Variants in PSPC1 observed in about 807,000 individuals in gnomAD.
PSPC1 encodes paraspeckle component 1, also known as paraspeckle protein 1.
In PSPC1, 14 loss-of-function variants were observed where a neutral mutation model predicts 51.6. The ratio of observed to expected loss-of-function variants is 0.27; its 90% CI spans 0.18 to 0.42. The LOEUF (loss-of-function observed/expected upper bound fraction) is 0.42, where lower values mean the gene tolerates loss of function less well. PSPC1 is among the 10% of genes least tolerant of loss of function. PSPC1 has a pLI of 1.00. For missense variants in PSPC1, 406 were observed against 701.1 expected (o/e 0.58, Z 4.75); for synonymous variants, 193 against 231.9 (o/e 0.83, Z 1.53).
chr13:19,685,529 C>G (rs1240297915), intron 6 of PSPC1, among the ~76,000 whole-genome samples: 1 of 152,190 alleles, frequency 6.6e-6, no homozygotes. Context: ...TCTCCCTTAA[C>G]ATCTCAGAAG....
chr13:19,736,458 C>A (rs369562727), intron 5 of PSPC1, among the ~76,000 whole-genome samples: 4 of 151,920 alleles, frequency 2.6e-5, no homozygotes, highest in Admixed American at 6.6e-5. Flanking sequence ...CCGAGGCGGG[C>A]GGATCACAAG....
intron 5 of PSPC1, 77 bp downstream of exon 5, chr13:19,741,479 TCAACTTATA>T: frequency 1.0e-6 from 1 of 955,636 alleles, no homozygotes; most frequent in Non-Finnish European, 1.6e-6. Flanking sequence ...CCTGTGATAC[TCAACTTATA>T]CAACTTGTAA....
chr13:19,677,648 G>T, intron 7 of PSPC1: 1 of 408,382 alleles, frequency 2.4e-6, no homozygotes, highest in South Asian at 1.8e-5. Context: ...GAATCAGGAA[G>T]AATTGACTAG....
chr13:19,768,288 A>G (rs937862301), intron 2 of PSPC1, among the ~76,000 whole-genome samples: 8 of 152,072 alleles, frequency 5.3e-5, no homozygotes, highest in Non-Finnish European at 1.2e-4. Flanking sequence ...GACTGGCAGG[A>G]AGATTTATAA....
intron 6 of PSPC1, among the ~76,000 whole-genome samples, chr13:19,714,568 T>A (rs1374585584): frequency 2.0e-5 from 3 of 149,554 alleles, no homozygotes; most frequent in African/African-American, 4.9e-5. Context: ...TGATCTCAAC[T>A]CATGCAGCCT....
chr13:19,777,428 T>TAAAA (rs1889275307), intron 1 of PSPC1, among the ~76,000 whole-genome samples: 1 of 47,924 alleles, frequency 2.1e-5, no homozygotes. Flanking sequence ...AGACCTCAGC[T>TAAAA]CAAAAAAAAA....
rs2137667298 is a variant in PSPC1 at position 19,694,566 on chromosome 13, A to C, written c.1159-16743T>G. On this transcript the variant is annotated intron_variant and NMD_transcript_variant, in intron 6 of 7. Coordinates refer to the PSPC1 transcript ENST00000471658. ...TTCAGATGCAAAATTTTCCTCAAAA[A>C]TACTTAACTGTATTTAGATTACATA... 1.3e-5 allele frequency among the ~76,000 whole-genome samples: 2 copies of C among 152,382 alleles called. 1 individual carries two copies. The highest frequency in any genetic ancestry group is 4.1e-4 in the South Asian group (2 of 4,832).
At chr13:19,709,823 A>G (rs1881171984) in intron 6 of PSPC1, among the ~76,000 whole-genome samples, 1 of 151,342 alleles carries the variant, frequency 6.6e-6, no homozygotes, top group African/African-American at 2.4e-5. Flanking sequence ...TTGCAAGATT[A>G]GATTACTAAT....
rs1890102821 is a variant in PSPC1, at chr13:19,782,659, G to C, written c.99C>G (p.Ala33=). 1 of 1,551,822 alleles carries C rather than the reference G, an allele frequency of 6.4e-7. No individual in the cohort carries two copies. Among genetic ancestry groups the C allele is most frequent in the Non-Finnish European group, 8.6e-7 (1 of 1,158,854 alleles). ...ESAVGESEPA[A]AAAMALALAG... ...CAAGAGCGAGCGCCATGGCTGCCGC[G>C]GCCGCCGGCTCGCTCTCGCCCACCG... is the stretch of plus-strand genomic sequence containing the variant. The change falls in exon 1 of 9, where the codon GCC becomes GCG. Residue 33 remains alanine (A), a synonymous_variant. Transcript: ENST00000338910. This position sits in a 1 kb window ranked among gnomAD's most constrained non-coding sequence, Gnocchi z 4.5.
intron 6 of PSPC1, among the ~76,000 whole-genome samples, chr13:19,690,049 G>C (rs1050104397): frequency 6.6e-6 from 1 of 152,172 alleles, no homozygotes; most frequent in African/African-American, 2.4e-5. Context: ...CTCTTAACAT[G>C]AAAGACCAAG....
intron 2 of PSPC1, among the ~76,000 whole-genome samples, chr13:19,760,969 C>G (rs1887557295): frequency 6.6e-6 from 1 of 151,224 alleles, no homozygotes; most frequent in African/African-American, 2.4e-5. Context: ...GCCCAGGCGA[C>G]AGAGTGAAAC....
At chr13:19,722,835 C>T (rs1882935240) in intron 6 of PSPC1, among the ~76,000 whole-genome samples, 1 of 150,670 alleles carries the variant, frequency 6.6e-6, no homozygotes, top group South Asian at 2.1e-4. Flanking sequence ...TCTGGCCAGG[C>T]ACAGTGACTC....
intron 6 of PSPC1, among the ~76,000 whole-genome samples, chr13:19,681,297 G>A (rs919283783): frequency 3.9e-5 from 6 of 152,066 alleles, no homozygotes; most frequent in African/African-American, 1.4e-4. Context: ...ATGTGATAAT[G>A]GATGTAACAT....
At chr13:19,764,930 G>C (rs1887923529) in intron 2 of PSPC1, among the ~76,000 whole-genome samples, 1 of 151,652 alleles carries the variant, frequency 6.6e-6, no homozygotes, top group African/African-American at 2.4e-5. Flanking sequence ...TAGAGATAGG[G>C]TTTTGCCATG....
downstream of PSPC1, among the ~76,000 whole-genome samples, chr13:19,700,843 A>C (rs1879816566): frequency 6.6e-6 from 1 of 152,118 alleles, no homozygotes; most frequent in African/African-American, 2.4e-5. Context: ...TTTCCTCTTT[A>C]TTTTTGTATC....
rs1369940561 is a variant in PSPC1, at chr13:19,782,053, G to A, written c.372+333C>T. On this transcript the variant is annotated intron_variant, in intron 1 of 8. Coordinates refer to ENST00000338910, the MANE Select transcript of PSPC1 (RefSeq NM_001354909.2). This position sits in a 1 kb window ranked among gnomAD's most constrained non-coding sequence, Gnocchi z 4.5. ...GGACCCTTTCGGTACCCGGGGCAAC[G>A]GGGAACCCGGGAGCGCTCGCTACCT... 6.6e-6 allele frequency among the ~76,000 whole-genome samples: 1 copy of A among 152,204 alleles called. No individual in the cohort carries two copies. The highest frequency in any genetic ancestry group is 1.5e-5 in the Non-Finnish European group (1 of 68,036).
chr13:19,745,075 T>G (rs7337564), intron 4 of PSPC1, among the ~76,000 whole-genome samples: 4,821 of 152,088 alleles, frequency 0.032, 89 homozygotes, highest in Middle Eastern at 0.075. Context: ...CCCAGCACTT[T>G]GGGAGGCTGA....
chr13:19,686,392 A>G (rs961110417), intron 6 of PSPC1, among the ~76,000 whole-genome samples: 2 of 152,184 alleles, frequency 1.3e-5, no homozygotes, highest in Non-Finnish European at 2.9e-5. Flanking sequence ...TCAACATTTC[A>G]GTAGCAGGGG....
intron 6 of PSPC1, among the ~76,000 whole-genome samples, chr13:19,696,937 T>G (rs558196832): frequency 5.7e-4 from 87 of 152,326 alleles, no homozygotes; most frequent in African/African-American, 2.1e-3. Flanking sequence ...ATAAATGAAT[T>G]TATGCATTAA....
Sources: allele counts gnomAD v4.1 joint callset (sites outside exome capture counted in the v4.1 genomes callset), GRCh38; gene constraint gnomAD v4.1.1; non-coding constraint Gnocchi (gnomAD v3.1); transcripts MANE v1.5; gene names NCBI Gene and HGNC (gene_info 2026-07-23, HGNC 2026-07-21).